GAREM1: variants seen among roughly 807,000 people sequenced by gnomAD.
The protein encoded by GAREM1 is GRB2 associated regulator of MAPK1 subtype 1, also known as GRB2-associated and regulator of MAPK protein 1.
Under a neutral mutation model 71.3 loss-of-function variants are expected in GAREM1, and 26 were observed. The ratio of observed to expected loss-of-function variants is 0.36; its 90% CI spans 0.27 to 0.51. GAREM1 has a LOEUF of 0.51. GAREM1 is among the 20% of genes least tolerant of loss of function. GAREM1 has a pLI of 0.95. For missense variants in GAREM1, 1,026 were observed against 1,103.1 expected, an observed-to-expected ratio of 0.93 and a Z score of 0.99; for synonymous variants, 440 against 433.2, an observed-to-expected ratio of 1.02 and a Z score of -0.20.
intron 1 of GAREM1, among the ~76,000 whole-genome samples, chr18:32,433,846 T>C (rs1387666202): frequency 6.6e-6 from 1 of 152,142 alleles, no homozygotes. Context: ...ATGCTCACTA[T>C]AGTTAAGACA....
chr18:32,450,762 T>C (rs1011371600), intron 1 of GAREM1, among the ~76,000 whole-genome samples: 1 of 152,066 alleles, frequency 6.6e-6, no homozygotes, highest in East Asian at 1.9e-4. Flanking sequence ...CTGTTGAAAG[T>C]TGGGTGTCGC....
At chr18:32,270,064 C>A (rs1292966014) in intron 5 of GAREM1, among the ~76,000 whole-genome samples, 153 bp downstream of exon 5, 1 of 152,164 alleles carries the variant, frequency 6.6e-6, no homozygotes, top group African/African-American at 2.4e-5. Context: ...GGGGCCCCAT[C>A]ATGCTCACTC....
At chr18:32,321,872 A>T (rs2047432719) in intron 2 of GAREM1, among the ~76,000 whole-genome samples, 1 of 152,190 alleles carries the variant, frequency 6.6e-6, no homozygotes, top group Non-Finnish European at 1.5e-5. Flanking sequence ...CATTGCTTAA[A>T]ATTCAAATCT....
At chr18:32,299,829 A>T (rs540343845) in intron 3 of GAREM1, among the ~76,000 whole-genome samples, 18 of 152,314 alleles carry the variant, frequency 1.2e-4, no homozygotes, top group Middle Eastern at 3.4e-3. Flanking sequence ...GACTGTTAAG[A>T]AAGGTATTCT....
chr18:32,348,227 G>T (rs563331734), intron 2 of GAREM1, among the ~76,000 whole-genome samples: 153 of 152,298 alleles, frequency 1.0e-3, no homozygotes, highest in African/African-American at 3.5e-3. Context: ...CACTCAATGA[G>T]AACAAAGGAC....
chr18:32,457,417 T>C (rs1017742614), intron 1 of GAREM1, among the ~76,000 whole-genome samples: 2 of 152,002 alleles, frequency 1.3e-5, no homozygotes, highest in African/African-American at 4.8e-5. Flanking sequence ...ACTTAGTTCA[T>C]ACATTTCCTC....
At chr18:32,398,532 T>C (rs888378970) in intron 1 of GAREM1, among the ~76,000 whole-genome samples, 3 of 152,210 alleles carry the variant, frequency 2.0e-5, no homozygotes, top group Non-Finnish European at 4.4e-5. Flanking sequence ...GAGAATACTA[T>C]AAACACCTCT....
chr18:32,328,136 G>T (rs1598964050), intron 2 of GAREM1, among the ~76,000 whole-genome samples: 1 of 152,188 alleles, frequency 6.6e-6, no homozygotes. Context: ...AGCAGTGTAT[G>T]AAGTGCTAAG....
chr18:32,279,381 C>A (rs2041584177), intron 4 of GAREM1, among the ~76,000 whole-genome samples: 1 of 152,186 alleles, frequency 6.6e-6, no homozygotes, highest in Non-Finnish European at 1.5e-5. Context: ...TGCCCCAGCT[C>A]CAGCTCCTGT....
chr18:32,270,961 G>C (rs2041454036), intron 4 of GAREM1, among the ~76,000 whole-genome samples: 1 of 133,022 alleles, frequency 7.5e-6, no homozygotes, highest in Non-Finnish European at 1.6e-5. Context: ...GAATGCAATG[G>C]CACAATCTCA....
intron 2 of GAREM1, among the ~76,000 whole-genome samples, chr18:32,358,380 T>A (rs1249648134): frequency 6.6e-6 from 1 of 151,834 alleles, no homozygotes; most frequent in African/African-American, 2.4e-5. Flanking sequence ...CAGATTTTAG[T>A]TCTCTCTGTG....
chr18:32,283,923 TA>T (rs1384658764), intron 4 of GAREM1, among the ~76,000 whole-genome samples: 3 of 152,148 alleles, frequency 2.0e-5, no homozygotes, highest in African/African-American at 4.8e-5. Flanking sequence ...TCCCAGCTAA[TA>T]TCTAGCTGGT....
At chr18:32,315,608 G>T (rs2047371183) in intron 2 of GAREM1, among the ~76,000 whole-genome samples, 2 of 151,466 alleles carry the variant, frequency 1.3e-5, no homozygotes, top group Non-Finnish European at 2.9e-5. Flanking sequence ...GATCATCTCA[G>T]TTCAGACTAG....
chr18:32,335,789 A>G (rs936977519), intron 2 of GAREM1, among the ~76,000 whole-genome samples: 1 of 152,254 alleles, frequency 6.6e-6, no homozygotes, highest in African/African-American at 2.4e-5. Context: ...CTTTAGATGC[A>G]TGATTTCCTG....
intron 2 of GAREM1, among the ~76,000 whole-genome samples, chr18:32,391,126 G>A (rs1479753867): frequency 1.3e-5 from 2 of 152,174 alleles, no homozygotes; most frequent in East Asian, 3.9e-4. Flanking sequence ...CACATCAGGA[G>A]ACCATGTGGG....
chr18:32,272,132 G>A (rs988762003), intron 4 of GAREM1, among the ~76,000 whole-genome samples: 3 of 152,220 alleles, frequency 2.0e-5, no homozygotes, highest in Non-Finnish European at 2.9e-5. Context: ...TTGCTTAAGC[G>A]GAAATGAAAT....
At chr18:32,462,031 A>G (rs1492830) in intron 1 of GAREM1, among the ~76,000 whole-genome samples, 54,501 of 152,148 alleles carry the variant, frequency 0.36, 10,132 homozygotes, top group African/African-American at 0.43. Context: ...CACAACAGTC[A>G]AACCAGTTTT....
intron 2 of GAREM1, among the ~76,000 whole-genome samples, chr18:32,376,718 A>G (rs984563294): frequency 1.3e-5 from 2 of 152,188 alleles, no homozygotes; most frequent in Admixed American, 6.5e-5. Flanking sequence ...CATGCCTGTA[A>G]TCCCAGCTAC....
chr18:32,329,414 G>A (rs1358075455), intron 2 of GAREM1, among the ~76,000 whole-genome samples: 1 of 151,656 alleles, frequency 6.6e-6, no homozygotes, highest in African/African-American at 2.4e-5. Context: ...CACCTATTAA[G>A]ATTGAAAAAC....
Sources: allele counts gnomAD v4.1 joint callset (sites outside exome capture counted in the v4.1 genomes callset), GRCh38; gene constraint gnomAD v4.1.1; transcripts MANE v1.5; gene names NCBI Gene and HGNC (gene_info 2026-07-23, HGNC 2026-07-21).